APC2: variants seen among roughly 807,000 people sequenced by gnomAD.
APC2 encodes adenomatous polyposis coli protein 2.
Under a neutral mutation model 72.5 loss-of-function variants are expected in APC2, and 41 were observed. That is an observed-to-expected ratio of 0.57 (90% confidence interval 0.44 to 0.73). APC2 has a LOEUF of 0.73. Ranked by LOEUF, APC2 falls within the 30% of genes least tolerant of loss-of-function variation. The pLI is 0.00. For synonymous variants in APC2, 1,898 were observed against 1,612.0 expected, an observed-to-expected ratio of 1.18 and a Z score of -4.25; for missense variants, 3,729 against 3,403.4, an observed-to-expected ratio of 1.10 and a Z score of -2.38.
intron 1 of APC2, among the ~76,000 whole-genome samples, chr19:1,450,614 G>T (rs773413560): frequency 1.3e-5 from 2 of 152,246 alleles, no homozygotes; most frequent in African/African-American, 4.8e-5. Context: ...CGGGGGTGTT[G>T]CTGCACCTCT....
Position 1,470,545 on chromosome 19 carries a change from G to A in APC2, c.*332G>A, listed in dbSNP as rs1235641261. ...CGTTGCTTGACCCCGGGCGAGGGAG[G>A]CGGTAGCCTCCGGGTCCGGGTCTGG... On this transcript the variant is annotated 3_prime_UTR_variant, in exon 15 of 15. Coordinates refer to ENST00000590469, the MANE Select transcript of APC2 (RefSeq NM_005883.3). 1 of 261,294 alleles carries A rather than the reference G, an allele frequency of 3.8e-6. No individual in the cohort carries two copies. Among genetic ancestry groups the A allele is most frequent in the Non-Finnish European group, 7.3e-6 (1 of 137,172 alleles). The allele number at this position is 261,294 out of a possible 1,614,324, so 16.2% of individuals were successfully genotyped here. A position where few individuals can be genotyped will look rare whatever the true frequency, so the allele number is the denominator to read the frequency against.
At chr19:1,463,342 C>T (rs914468518) in intron 14 of APC2, among the ~76,000 whole-genome samples, 3 of 150,152 alleles carry the variant, frequency 2.0e-5, no homozygotes, top group East Asian at 2.0e-4. Flanking sequence ...GGCGTGAACC[C>T]GGGAGGCGGA....
At chr19:1,454,413 C>G (rs2083786228) in intron 4 of APC2, among the ~76,000 whole-genome samples, 1 of 150,604 alleles carries the variant, frequency 6.6e-6, no homozygotes, top group Non-Finnish European at 1.5e-5. Flanking sequence ...GGGTCTCACT[C>G]TGTCACCCAG....
At chr19:1,458,252 T>C in intron 10 of APC2, 192 bp downstream of exon 10, 1 of 610,006 alleles carries the variant, frequency 1.6e-6, no homozygotes, top group Non-Finnish European at 2.9e-6. Context: ...TCTGTCCCCA[T>C]GAGCTGCGTG....
At position 1,466,559 on chromosome 19, in the gene APC2, G is replaced by C. The variant is rs775558367; in HGVS notation, c.3258G>C (p.Glu1086Asp). 3 of 1,581,954 alleles carry C rather than the reference G, an allele frequency of 1.9e-6. No individual in the cohort carries two copies. The highest frequency in any genetic ancestry group is 2.6e-6 in the Non-Finnish European group (3 of 1,171,946). ...LSSAGRPGPS[E>D]GGDLDDSDSS... ...CGGCCGGCCGCCCAGGCCCCAGCGA[G>C]GGTGGTGACCTGGATGACAGTGACT... Residue 1086 changes from glutamate (E) to aspartate (D), a missense_variant, in exon 15 of 15, where the codon GAG becomes GAC. Transcript: ENST00000590469.
rs924312521 is a variant in APC2 at position 1,455,475 on chromosome 19, C to T, written c.614C>T (p.Ser205Leu). The part of the protein sequence containing the change: ...RSLMEERFGT[S>L]DEMVQRAQIR... ...CTGATGGAGGAGCGCTTCGGCACCT[C>T]GGACGAGATGGTGCAGCGGGCACAG... is the stretch of plus-strand genomic sequence containing the variant. The change falls in exon 6 of 15, where the codon TCG (serine) becomes TTG (leucine). Residue 205 changes from serine (S) to leucine (L), a missense_variant. Physicochemically the swap from Ser to Leu is moderately radical, Grantham distance 145. Coordinates refer to ENST00000590469, the MANE Select transcript of APC2 (RefSeq NM_005883.3). 1.2e-6 allele frequency: 2 copies of T among 1,603,360 alleles called. No individual in the cohort carries two copies. Among genetic ancestry groups the T allele is most frequent in the Admixed American group, 1.7e-5 (1 of 59,196 alleles).
Position 1,466,763 on chromosome 19 carries a change from G to T in APC2, c.3462G>T (p.Glu1154Asp). The T allele has an allele frequency of 6.5e-7, 1 of 1,550,126 alleles. No individual in the cohort carries two copies. The change falls in exon 15 of 15, where the codon GAG (glutamate) becomes GAT (aspartate). Residue 1154 changes from glutamate to aspartate, a missense_variant. Transcript: ENST00000590469. Reference sequence around the variant, plus strand: ...GCTCGTCGGAGAACTACGTGCAGGAGACACCGCTTGTGCTGAGCCGCTGCA... The same window carrying T: ...GCTCGTCGGAGAACTACGTGCAGGATACACCGCTTGTGCTGAGCCGCTGCA... ...PSSSSENYVQETPLVLSRCSS... is the reference protein window; with the variant it reads ...PSSSSENYVQDTPLVLSRCSS...
chr19:1,460,240 C>T lies in APC2; in HGVS notation c.1363C>T (p.Arg455Trp), dbSNP rs371129014. The T allele has an allele frequency of 7.4e-6, 12 of 1,613,416 alleles. No homozygotes were observed. Among genetic ancestry groups the T allele is most frequent in the Middle Eastern group, 1.6e-4 (1 of 6,084 alleles). ...TGACTATGAGATGCACAAGATGACC[C>T]GGGACCCGCTGAACCTGGCGCTGCG... Reference protein sequence around the residue: ...QVDYEMHKMTRDPLNLALRRY... With the variant: ...QVDYEMHKMTWDPLNLALRRY... Residue 455 changes from arginine to tryptophan, a missense_variant, in exon 11 of 15, where the codon CGG (arginine) becomes TGG (tryptophan). By Grantham distance (101) the Arg-to-Trp change is moderately radical (BLOSUM62 -3). Coordinates refer to ENST00000590469, the MANE Select transcript of APC2 (RefSeq NM_005883.3).
At position 1,469,926 on chromosome 19, in the gene APC2, C is replaced by T; in HGVS notation, c.6625C>T (p.Leu2209=). 1 of 1,518,758 alleles carries T rather than the reference C, an allele frequency of 6.6e-7. No homozygotes were observed. Among genetic ancestry groups the T allele is most frequent in the African/African-American group, 1.4e-5 (1 of 70,892 alleles). The allele number at this position is 1,518,758 out of a possible 1,614,324, so 94.1% of individuals were successfully genotyped here. Reference sequence around the variant, plus strand: ...GACCAACTCCAGCACGTCCCCGAGCCTGGAGACCAGGGAGCCCCCCGGGGC... The same window carrying T: ...GACCAACTCCAGCACGTCCCCGAGCTTGGAGACCAGGGAGCCCCCCGGGGC... ...PKTNSSTSPS[L]ETREPPGAPA... Residue 2209 remains leucine, a synonymous_variant, in exon 15 of 15, where the codon CTG becomes TTG. Transcript: ENST00000590469.
chr19:1,468,206 G>T lies in APC2; in HGVS notation c.4905G>T (p.Ser1635=). The part of the protein sequence containing the change: ...AEELLQRCIS[S]ALPRRRPPVS... ...AGCTTCTGCAGCGGTGCATCAGCTCGGCCCTGCCCAGGCGCCGGCCCCCCG... is the reference window on the plus strand; with the variant it reads ...AGCTTCTGCAGCGGTGCATCAGCTCTGCCCTGCCCAGGCGCCGGCCCCCCG... The change falls in exon 15 of 15, where the codon TCG becomes TCT. Residue 1635 remains serine (S), a synonymous_variant. Transcript: ENST00000590469. 6.8e-7 allele frequency: 1 copy of T among 1,465,284 alleles called. No homozygotes were observed. Among genetic ancestry groups the T allele is most frequent in the African/African-American group, 1.5e-5 (1 of 67,500 alleles). 90.8% of individuals were successfully genotyped at this position (1,465,284 alleles called of 1,614,324 possible). A position where few individuals can be genotyped will look rare whatever the true frequency, so the allele number is the denominator to read the frequency against.
At position 1,466,584 on chromosome 19, in the gene APC2, T is replaced by C; in HGVS notation, c.3283T>C (p.Ser1095Pro). The C allele has an allele frequency of 6.4e-7, 1 of 1,571,740 alleles. No homozygotes were observed. Among genetic ancestry groups the C allele is most frequent in the Admixed American group, 1.8e-5 (1 of 56,300 alleles). ...SEGGDLDDSD[S>P]SLEGLEEAGP... ...GGGTGGTGACCTGGATGACAGTGAC[T>C]CCTCCCTGGAGGGGCTGGAGGAGGC... Residue 1095 changes from serine to proline, a missense_variant, in exon 15 of 15, where the codon TCC (serine) becomes CCC (proline). Coordinates refer to ENST00000590469, the MANE Select transcript of APC2 (RefSeq NM_005883.3).
In APC2 at chr19:1,473,237, G is replaced by C. The variant is rs1205781346; in HGVS notation, c.*3024G>C. 1 of 152,298 alleles carries C rather than the reference G, an allele frequency of 6.6e-6. No individual in the cohort carries two copies. The highest frequency in any genetic ancestry group is 2.4e-5 in the African/African-American group (1 of 41,470). The allele number at this position is 152,298 out of a possible 1,614,324, so 9.4% of individuals were successfully genotyped here. On this transcript the variant is annotated 3_prime_UTR_variant, in exon 15 of 15. Transcript: ENST00000590469. ...CACACATTTAATAAACTGAGCTCTT[G>C]CATTGCCTGCCGCCATCACCTCTTC...
upstream of APC2, among the ~76,000 whole-genome samples, chr19:1,446,775 C>T (rs2083691698): frequency 6.6e-6 from 1 of 152,112 alleles, no homozygotes; most frequent in South Asian, 2.1e-4. The surrounding 1 kb of genome is among the most constrained non-coding windows in gnomAD (Gnocchi z 6.1). Flanking sequence ...CTCAGTTTCC[C>T]CTTCTGGGCG....
In APC2 at chr19:1,467,559, G is replaced by A. The variant is rs1411828088; in HGVS notation, c.4258G>A (p.Gly1420Arg). The change falls in exon 15 of 15, where the codon GGG becomes AGG. Residue 1420 changes from glycine to arginine, a missense_variant. Physicochemically the swap from Gly to Arg is moderately radical, Grantham distance 125. Transcript: ENST00000590469. ...TLQGPPRDQP[G>R]GPAGRQRPTG... Reference sequence around the variant, plus strand: ...GCAGGGACCCCCCAGGGACCAGCCCGGGGGACCAGCGGGCAGGCAAAGACC... The same window carrying A: ...GCAGGGACCCCCCAGGGACCAGCCCAGGGGACCAGCGGGCAGGCAAAGACC... The A allele has an allele frequency of 3.3e-6, 5 of 1,509,734 alleles. No individual in the cohort carries two copies. Among genetic ancestry groups the A allele is most frequent in the South Asian group, 1.2e-5 (1 of 80,564 alleles). 93.5% of individuals were successfully genotyped at this position (1,509,734 alleles called of 1,614,324 possible).
intron 9 of APC2, 67 bp from the exon 10 acceptor site, chr19:1,457,898 G>GGGGGGGGGGT: frequency 1.1e-5 from 16 of 1,432,310 alleles, no homozygotes; most frequent in South Asian, 6.1e-5. Context: ...CGGGTTGCGG[G>GGGGGGGGGGT]ACCTTCGGGA....
In APC2 at chr19:1,469,079, G is replaced by A. The variant is rs79021820; in HGVS notation, c.5778G>A (p.Ser1926=). ...LLAKQHKTQR[S]PVRIPFMQRP... ...CGAAGCAGCACAAGACGCAGAGATCGCCCGTGCGGATCCCGTTCATGCAGA... is the reference window on the plus strand; with the variant it reads ...CGAAGCAGCACAAGACGCAGAGATCACCCGTGCGGATCCCGTTCATGCAGA... The change falls in exon 15 of 15, where the codon TCG becomes TCA. Residue 1926 remains serine, a synonymous_variant. Transcript: ENST00000590469. The A allele has an allele frequency of 6.4e-3, 9,691 of 1,508,794 alleles. 603 individuals carry two copies. In the African/African-American group the frequency reaches 0.13, roughly 20 times the overall value. 93.5% of individuals were successfully genotyped at this position (1,508,794 alleles called of 1,614,324 possible).
chr19:1,464,265 T>A (rs760185085), intron 14 of APC2, among the ~76,000 whole-genome samples: 12 of 151,312 alleles, frequency 7.9e-5, no homozygotes, highest in African/African-American at 2.7e-4. Flanking sequence ...GCGGAGATCA[T>A]GCCACTGCAC....
At chr19:1,458,370 C>T (rs1200847239) in intron 10 of APC2, 2 of 388,602 alleles carry the variant, frequency 5.1e-6, no homozygotes, top group Non-Finnish European at 9.4e-6. Context: ...AGAAGACAGG[C>T]CCAGAATTGG....
In APC2 at chr19:1,469,424, G is replaced by A. The variant is rs1374327178; in HGVS notation, c.6123G>A (p.Ser2041=). The change falls in exon 15 of 15, where the codon TCG becomes TCA. Residue 2041 remains serine (S), a synonymous_variant. Transcript: ENST00000590469. ...TGCCCGCCGTCTTCCTCTGCTCCTC[G>A]CGCTGCGAAGAGCTCCGAGCGGCAC... ...PALPAVFLCS[S]RCEELRAAPR... The A allele has an allele frequency of 6.8e-6, 8 of 1,183,494 alleles. No individual in the cohort carries two copies. In the South Asian group the frequency reaches 2.3e-4, roughly 33 times the overall value. The allele number at this position is 1,183,494 out of a possible 1,614,324, so 73.3% of individuals were successfully genotyped here.
Sources: gnomAD v4.1 joint callset for allele counts (sites outside exome capture counted in the v4.1 genomes callset) on GRCh38, gnomAD v4.1.1 for gene constraint, Gnocchi (gnomAD v3.1) non-coding constraint, MANE v1.5 for transcripts, NCBI Gene and HGNC (gene_info 2026-07-23, HGNC 2026-07-21) for gene names.